STXBP5L: variants seen among roughly 807,000 people sequenced by gnomAD.
STXBP5L encodes syntaxin binding protein 5L.
A neutral mutation model predicts 144.5 loss-of-function variants in STXBP5L; 65 were observed. That is an observed-to-expected ratio of 0.45 (90% CI 0.37 to 0.55). STXBP5L has a LOEUF of 0.55. STXBP5L is among the 20% of genes least tolerant of loss of function. STXBP5L has a pLI of 0.00. For synonymous variants in STXBP5L, 505 were observed against 469.6 expected, an observed-to-expected ratio of 1.08 and a Z score of -0.97; for missense variants, 1,298 against 1,405.5, an observed-to-expected ratio of 0.92 and a Z score of 1.22.
chr3:121,182,462 T>C (rs1282408855), intron 9 of STXBP5L, among the ~76,000 whole-genome samples: 1 of 152,136 alleles, frequency 6.6e-6, no homozygotes, highest in African/African-American at 2.4e-5. Context: ...TTAGAAATTA[T>C]TTAAACTAAA....
intron 3 of STXBP5L, among the ~76,000 whole-genome samples, chr3:120,975,356 G>C (rs1269076795): frequency 3.3e-5 from 5 of 152,088 alleles, no homozygotes; most frequent in Non-Finnish European, 5.9e-5. Context: ...TCTGTTATTG[G>C]TGTATAAGAA....
In STXBP5L at chr3:121,147,492, T is replaced by C. The variant is rs138180819; in HGVS notation, c.670-4985T>C. On this transcript the variant is annotated intron_variant, in intron 7 of 26. Transcript: ENST00000471454. ...CCTCCAGGAAAATTTATAGTTTATATTACATTTCTTAAAAAGTGAAGAAAA... is the reference window on the plus strand; with the variant it reads ...CCTCCAGGAAAATTTATAGTTTATACTACATTTCTTAAAAAGTGAAGAAAA... Among the ~76,000 whole-genome samples, 6 of 152,288 alleles carry C rather than the reference T, an allele frequency of 3.9e-5. No homozygotes were observed. The East Asian group carries it at 1.2e-3, about 29-fold the overall frequency.
intron 10 of STXBP5L, among the ~76,000 whole-genome samples, chr3:121,210,655 C>G (rs551639360): frequency 1.3e-5 from 2 of 152,280 alleles, no homozygotes; most frequent in South Asian, 4.1e-4. Context: ...ATATGGCTAG[C>G]CAGTTTTCCC....
At chr3:121,247,736 G>A (rs577007121) in intron 14 of STXBP5L, among the ~76,000 whole-genome samples, 1 of 152,224 alleles carries the variant, frequency 6.6e-6, no homozygotes, top group Admixed American at 6.5e-5. Flanking sequence ...TGGGTACCTA[G>A]GTTGATTCCA....
At chr3:120,916,351 A>G (rs1709100169) in intron 2 of STXBP5L, among the ~76,000 whole-genome samples, 1 of 151,864 alleles carries the variant, frequency 6.6e-6, no homozygotes, top group Non-Finnish European at 1.5e-5. Flanking sequence ...CCCAGGCTGG[A>G]GTGCAATGGT....
At chr3:121,348,659 T>C (rs1009615123) in intron 20 of STXBP5L, among the ~76,000 whole-genome samples, 4 of 152,070 alleles carry the variant, frequency 2.6e-5, no homozygotes, top group African/African-American at 9.7e-5. Flanking sequence ...TATTCAGAGA[T>C]TCAACTTCTT....
intron 10 of STXBP5L, among the ~76,000 whole-genome samples, chr3:121,208,127 T>TA (rs2048411531): frequency 6.6e-6 from 1 of 152,104 alleles, no homozygotes; most frequent in Admixed American, 6.5e-5. Flanking sequence ...ATGTGGCACA[T>TA]ATACACCATG....
intron 3 of STXBP5L, among the ~76,000 whole-genome samples, chr3:120,967,627 T>C (rs1939759620): frequency 6.6e-6 from 1 of 152,210 alleles, no homozygotes; most frequent in African/African-American, 2.4e-5. Context: ...ATTATTTCTT[T>C]CCTTCTACTA....
At chr3:121,070,816 G>A (rs759641731) in intron 5 of STXBP5L, among the ~76,000 whole-genome samples, 3 of 152,150 alleles carry the variant, frequency 2.0e-5, no homozygotes, top group Non-Finnish European at 4.4e-5. Flanking sequence ...ATGCGAGTAC[G>A]GGAATACTTC....
At chr3:120,946,345 T>A (rs565982207) in intron 2 of STXBP5L, among the ~76,000 whole-genome samples, 1 of 151,916 alleles carries the variant, frequency 6.6e-6, no homozygotes, top group East Asian at 1.9e-4. Context: ...TTCCATTTCA[T>A]ATTCTAAGAT....
At chr3:120,999,476 C>G (rs531787370) in intron 3 of STXBP5L, among the ~76,000 whole-genome samples, 1 of 152,168 alleles carries the variant, frequency 6.6e-6, no homozygotes, top group African/African-American at 2.4e-5. Context: ...TTACACGTGA[C>G]ATTGGTCTCT....
chr3:121,185,973 T>TA, intron 9 of STXBP5L, among the ~76,000 whole-genome samples: 1 of 152,326 alleles, frequency 6.6e-6, no homozygotes, highest in Middle Eastern at 3.4e-3. Flanking sequence ...TTTATTTCAC[T>TA]GAGCAGTGGT....
At chr3:121,343,255 A>G (rs1280864157) in intron 20 of STXBP5L, among the ~76,000 whole-genome samples, 1 of 151,860 alleles carries the variant, frequency 6.6e-6, no homozygotes, top group African/African-American at 2.4e-5. Flanking sequence ...CCTTTGTCAG[A>G]TGGGTAGGTT....
At chr3:121,354,194 G>C (rs888492914) in intron 20 of STXBP5L, among the ~76,000 whole-genome samples, 87 of 152,272 alleles carry the variant, frequency 5.7e-4, no homozygotes, top group African/African-American at 2.0e-3. Flanking sequence ...GTGTCTATTA[G>C]GTCTGTTTGT....
chr3:121,306,874 A>G (rs1158527396), intron 19 of STXBP5L, among the ~76,000 whole-genome samples: 1 of 152,154 alleles, frequency 6.6e-6, no homozygotes. Context: ...AAAATAATAG[A>G]ACATCTGGTG....
chr3:121,189,950 T>C (rs2047570544), intron 9 of STXBP5L, among the ~76,000 whole-genome samples: 1 of 152,190 alleles, frequency 6.6e-6, no homozygotes, highest in African/African-American at 2.4e-5. Context: ...AGAAAGCACT[T>C]ATAAGTGTAA....
chr3:121,329,972 C>T (rs2044273007), intron 20 of STXBP5L, among the ~76,000 whole-genome samples: 1 of 152,190 alleles, frequency 6.6e-6, no homozygotes, highest in African/African-American at 2.4e-5. Context: ...TCACATATTT[C>T]TGTTTGCATA....
At position 121,398,271 on chromosome 3, in the gene STXBP5L, G is replaced by A. The variant is rs138647439; in HGVS notation, c.2588-8972G>A. Among the ~76,000 whole-genome samples, 532 of 152,290 alleles carry A rather than the reference G, an allele frequency of 3.5e-3. 4 individuals carry two copies. Among genetic ancestry groups the A allele is most frequent in the African/African-American group, 0.012 (499 of 41,564 alleles). ...TTCTAAAAGTAATCCTATTGTCCCC[G>A]CTGGCAAGGATCCACAGACTCCTGT... On this transcript the variant is annotated intron_variant, in intron 22 of 26. Transcript: ENST00000471454.
intron 3 of STXBP5L, among the ~76,000 whole-genome samples, chr3:121,013,318 A>G (rs751075692): frequency 1.3e-5 from 2 of 152,096 alleles, no homozygotes; most frequent in African/African-American, 2.4e-5. Context: ...CCAATGGTAT[A>G]TAAGTGTTCC....
Sources: gnomAD v4.1 joint callset for allele counts (sites outside exome capture counted in the v4.1 genomes callset) on GRCh38, gnomAD v4.1.1 for gene constraint, MANE v1.5 for transcripts, NCBI Gene and HGNC (gene_info 2026-07-23, HGNC 2026-07-21) for gene names.